The following PDZRN3 variants were observed in gnomAD, a reference collection of about 807,000 sequenced individuals.
The protein encoded by PDZRN3 is PDZ domain containing ring finger 3, also known as E3 ubiquitin-protein ligase PDZRN3.
PDZRN3 carries 38 observed loss-of-function variants against 85.7 expected under a neutral mutation model. That is an observed-to-expected ratio of 0.44 (90% CI 0.34 to 0.58). The LOEUF (loss-of-function observed/expected upper bound fraction) is 0.58. Ranked by LOEUF, PDZRN3 falls within the 20% of genes least tolerant of loss-of-function variation. The pLI is 0.01. For missense variants in PDZRN3, 1,629 were observed against 1,506.4 expected (o/e 1.08, Z -1.35); for synonymous variants, 759 against 638.0 (o/e 1.19, Z -2.86).
chr3:73,415,012 A>C (rs936869262), intron 3 of PDZRN3, among the ~76,000 whole-genome samples: 3 of 152,236 alleles, frequency 2.0e-5, no homozygotes, highest in Non-Finnish European at 4.4e-5. Flanking sequence ...TCAATGGCTC[A>C]TTCATTTGTT....
intron 3 of PDZRN3, among the ~76,000 whole-genome samples, chr3:73,570,299 T>G (rs1049809014): frequency 6.6e-5 from 10 of 152,216 alleles, no homozygotes; most frequent in Non-Finnish European, 1.2e-4. Flanking sequence ...TTATGAGGCA[T>G]ACATCTAGAA....
intron 3 of PDZRN3, among the ~76,000 whole-genome samples, chr3:73,447,041 C>CTAGA (rs1553690038): frequency 5.0e-5 from 7 of 140,984 alleles, no homozygotes; most frequent in Admixed American, 2.9e-4. Flanking sequence ...AACCTCTTGA[C>CTAGA]TATATATATA....
chr3:73,521,280 T>C (rs1157641799), intron 3 of PDZRN3, among the ~76,000 whole-genome samples: 1 of 152,170 alleles, frequency 6.6e-6, no homozygotes, highest in Non-Finnish European at 1.5e-5. Flanking sequence ...CTGGGGCCAG[T>C]GCACAGCCCT....
chr3:73,424,538 T>A (rs1575644025), intron 3 of PDZRN3, among the ~76,000 whole-genome samples: 1 of 60,712 alleles, frequency 1.6e-5, no homozygotes, highest in African/African-American at 9.1e-5. Flanking sequence ...TGAGACTCCA[T>A]CTCAAAAAAA....
intron 2 of PDZRN3, 62 bp from the exon 3 acceptor site, chr3:73,602,523 G>T: frequency 1.2e-6 from 1 of 851,992 alleles, no homozygotes. Context: ...TGAAAGTAAA[G>T]CTTGCACTCT....
chr3:73,559,701 A>G (rs1460706061), intron 3 of PDZRN3, among the ~76,000 whole-genome samples: 1 of 152,244 alleles, frequency 6.6e-6, no homozygotes, highest in Non-Finnish European at 1.5e-5. Flanking sequence ...TTTACACTTT[A>G]AAAGAGGGGA....
intron 3 of PDZRN3, among the ~76,000 whole-genome samples, chr3:73,461,093 C>G (rs1458408370): frequency 6.6e-6 from 1 of 152,120 alleles, no homozygotes; most frequent in African/African-American, 2.4e-5. Context: ...CGTACCTGGC[C>G]AAGATTTATT....
intron 3 of PDZRN3, among the ~76,000 whole-genome samples, chr3:73,519,932 A>C (rs771359521): frequency 6.6e-6 from 1 of 152,164 alleles, no homozygotes; most frequent in Non-Finnish European, 1.5e-5. Flanking sequence ...CAGGCTGTAC[A>C]ATGCTCCTGC....
At chr3:73,545,907 C>T (rs747367784) in intron 3 of PDZRN3, among the ~76,000 whole-genome samples, 9 of 151,968 alleles carry the variant, frequency 5.9e-5, no homozygotes, top group Non-Finnish European at 7.4e-5. Flanking sequence ...GGGGGAGGAT[C>T]GGAGGATCTT....
intron 3 of PDZRN3, among the ~76,000 whole-genome samples, chr3:73,498,609 G>A (rs1703914917): frequency 6.6e-6 from 1 of 151,280 alleles, no homozygotes; most frequent in South Asian, 2.1e-4. Context: ...TTTTGAGATG[G>A]AGTCTAGCTC....
intron 3 of PDZRN3, among the ~76,000 whole-genome samples, chr3:73,554,165 T>C (rs1701632894): frequency 6.6e-6 from 1 of 152,042 alleles, no homozygotes; most frequent in African/African-American, 2.4e-5. Flanking sequence ...AAAGGCCTGG[T>C]GAAGGGGAAC....
At chr3:73,477,688 G>A (rs1364273151) in intron 3 of PDZRN3, among the ~76,000 whole-genome samples, 1 of 152,150 alleles carries the variant, frequency 6.6e-6, no homozygotes, top group East Asian at 1.9e-4. Flanking sequence ...GCTAGATGCT[G>A]CCATGAATCC....
At chr3:73,500,626 G>T (rs1288151169) in intron 3 of PDZRN3, among the ~76,000 whole-genome samples, 1 of 152,132 alleles carries the variant, frequency 6.6e-6, no homozygotes, top group Non-Finnish European at 1.5e-5. Context: ...TTCTAGAGTG[G>T]ATTAAGGGTA....
chr3:73,563,813 A>C lies in PDZRN3; in HGVS notation c.918+38541T>G, dbSNP rs147567494. On this transcript the variant is annotated intron_variant, in intron 3 of 9. Coordinates refer to ENST00000263666, the MANE Select transcript of PDZRN3 (RefSeq NM_015009.3). Reference sequence around the variant, plus strand: ...GTATAATTATCATTCTAATTTTGCAAAAGAGGCAACTGGGGCCCAGAGGGG... The same window carrying C: ...GTATAATTATCATTCTAATTTTGCACAAGAGGCAACTGGGGCCCAGAGGGG... 7.9e-3 allele frequency among the ~76,000 whole-genome samples: 1,200 copies of C among 152,318 alleles called. 12 individuals are homozygous for C. Among genetic ancestry groups the C allele is most frequent in the African/African-American group, 0.027 (1,110 of 41,572 alleles).
In PDZRN3 at chr3:73,383,323, G is replaced by A. The variant is rs369162944; in HGVS notation, c.*42C>T. 15 of 1,529,752 alleles carry A rather than the reference G, an allele frequency of 9.8e-6. No homozygotes were observed. The East Asian group carries it at 3.4e-4, about 35-fold the overall frequency. The allele number at this position is 1,529,752 out of a possible 1,614,324, so 94.8% of individuals were successfully genotyped here. A position where few individuals can be genotyped will look rare whatever the true frequency, so the allele number is the denominator to read the frequency against. On this transcript the variant is annotated 3_prime_UTR_variant, in exon 10 of 10. Transcript: ENST00000263666. ...GAACGAGGCAGGAATTTCTACCCCA[G>A]TGGTAGTGGTCTCCTTTATGTACAT...
chr3:73,408,685 G>C (rs1701904837), intron 3 of PDZRN3, among the ~76,000 whole-genome samples: 1 of 152,182 alleles, frequency 6.6e-6, no homozygotes, highest in African/African-American at 2.4e-5. Flanking sequence ...TCTCTTAAAA[G>C]ATGATGAGAC....
intron 3 of PDZRN3, among the ~76,000 whole-genome samples, chr3:73,541,379 G>T (rs1334341609): frequency 1.3e-5 from 2 of 152,212 alleles, no homozygotes; most frequent in African/African-American, 4.8e-5. Context: ...AGGTCAGACA[G>T]TGGTCTAAAT....
intron 3 of PDZRN3, among the ~76,000 whole-genome samples, chr3:73,523,453 CTATA>C (rs141660921): frequency 2.2e-4 from 33 of 150,958 alleles, no homozygotes; most frequent in Non-Finnish European, 4.1e-4. Flanking sequence ...ATTGCAATAG[CTATA>C]TATATATATG....
intron 1 of PDZRN3, 73 bp downstream of exon 1, chr3:73,624,030 C>G: frequency 7.5e-7 from 1 of 1,336,640 alleles, no homozygotes; most frequent in Non-Finnish European, 9.6e-7. Flanking sequence ...ATCCCTGTAC[C>G]CAAAGGGATG....
Sources: gnomAD v4.1 joint callset for allele counts (sites outside exome capture counted in the v4.1 genomes callset) on GRCh38, gnomAD v4.1.1 for gene constraint, MANE v1.5 for transcripts, NCBI Gene and HGNC (gene_info 2026-07-23, HGNC 2026-07-21) for gene names.